Variants in SPAG16 observed in about 807,000 individuals in gnomAD.
SPAG16 encodes sperm associated antigen 16.
A neutral mutation model predicts 80.4 loss-of-function variants in SPAG16; 86 were observed. The ratio of observed to expected loss-of-function variants is 1.07; its 90% CI spans 0.90 to 1.28. The LOEUF is 1.28. Among genes scored for constraint, SPAG16 ranks in the 50% most tolerant of loss-of-function variants. The pLI is 0.00. For missense variants in SPAG16, 870 were observed against 765.3 expected (o/e 1.14, Z -1.61); for synonymous variants, 294 against 265.9 (o/e 1.11, Z -1.03).
intron 12 of SPAG16, among the ~76,000 whole-genome samples, chr2:213,986,652 G>C (rs1476371590): frequency 6.6e-6 from 1 of 151,796 alleles, no homozygotes; most frequent in Non-Finnish European, 1.5e-5. Context: ...AACATATGCT[G>C]TCTGGTAGAA....
intron 10 of SPAG16, among the ~76,000 whole-genome samples, chr2:213,627,284 A>G (rs1262001720): frequency 6.6e-6 from 1 of 152,220 alleles, no homozygotes; most frequent in Non-Finnish European, 1.5e-5. Context: ...GGAGCAAAAG[A>G]GGCAATAAAT....
At chr2:213,902,348 G>T (rs974044158) in intron 11 of SPAG16, among the ~76,000 whole-genome samples, 3 of 152,176 alleles carry the variant, frequency 2.0e-5, no homozygotes, top group Non-Finnish European at 4.4e-5. Context: ...AGACTGGGAA[G>T]AAAAAGAGGT....
intron 1 of SPAG16, 88 bp downstream of exon 1, chr2:213,284,707 T>C (rs2061989742): frequency 6.7e-7 from 1 of 1,485,432 alleles, no homozygotes; most frequent in South Asian, 1.3e-5. Context: ...GCGGCGCCTT[T>C]TGAGCCTTGG....
intron 10 of SPAG16, among the ~76,000 whole-genome samples, chr2:213,833,703 T>C (rs1208120711): frequency 2.2e-5 from 3 of 136,286 alleles, no homozygotes; most frequent in Non-Finnish European, 1.5e-5. Context: ...TGTAAACTGA[T>C]AGACCACGTA....
chr2:213,452,613 T>C (rs1357539496), intron 9 of SPAG16, among the ~76,000 whole-genome samples: 2 of 152,358 alleles, frequency 1.3e-5, no homozygotes, highest in Admixed American at 1.3e-4. Flanking sequence ...TATTTTTATG[T>C]CAGATCTTTT....
intron 7 of SPAG16, among the ~76,000 whole-genome samples, chr2:213,351,623 T>A (rs2065331929): frequency 6.6e-6 from 1 of 152,168 alleles, no homozygotes; most frequent in Non-Finnish European, 1.5e-5. Flanking sequence ...AACATTCTAT[T>A]ATTGTTTTCT....
At chr2:213,709,696 AC>A (rs1314139484) in intron 10 of SPAG16, among the ~76,000 whole-genome samples, 9 of 152,162 alleles carry the variant, frequency 5.9e-5, no homozygotes, top group African/African-American at 7.2e-5. Context: ...TTATAAAAAA[AC>A]ATGGAGAATA....
At chr2:213,491,234 A>G (rs2074221216) in intron 10 of SPAG16, among the ~76,000 whole-genome samples, 3 of 152,202 alleles carry the variant, frequency 2.0e-5, no homozygotes, top group African/African-American at 7.2e-5. Context: ...TTCATATGCT[A>G]GTCTTTTGAT....
chr2:213,960,429 T>A (rs1458848658), intron 12 of SPAG16, among the ~76,000 whole-genome samples: 2 of 152,154 alleles, frequency 1.3e-5, no homozygotes, highest in Non-Finnish European at 2.9e-5. Context: ...TACTTTTCTG[T>A]TTCTTTCTAG....
chr2:213,768,600 C>T (rs555437145), intron 10 of SPAG16, among the ~76,000 whole-genome samples: 1 of 152,056 alleles, frequency 6.6e-6, no homozygotes, highest in Admixed American at 6.6e-5. Context: ...AAAATGATAC[C>T]ATTTGTTCCA....
intron 15 of SPAG16, among the ~76,000 whole-genome samples, chr2:214,293,609 G>T (rs1693945009): frequency 6.6e-6 from 1 of 152,252 alleles, no homozygotes; most frequent in Non-Finnish European, 1.5e-5. Context: ...GACAGCAGTG[G>T]CTGTGTTATG....
rs540949130 is a variant in SPAG16 at position 214,327,113 on chromosome 2, C to A, written c.1721-83027C>A. On this transcript the variant is annotated intron_variant, in intron 15 of 15. Transcript: ENST00000331683. ...TATCTTTCTCTAGAGTAAAATTAAG[C>A]ATTTTTATAAATACCTTTCAGCATC... Among the ~76,000 whole-genome samples, 3 of 152,046 alleles carry A rather than the reference C, an allele frequency of 2.0e-5. No individual in the cohort carries two copies. The South Asian group carries it at 6.2e-4, about 32-fold the overall frequency.
At chr2:213,624,280 C>T (rs571344040) in intron 10 of SPAG16, among the ~76,000 whole-genome samples, 35 of 152,102 alleles carry the variant, frequency 2.3e-4, no homozygotes, top group Non-Finnish European at 4.1e-4. Flanking sequence ...AGCAAAGTAA[C>T]AATACAGCCC....
intron 10 of SPAG16, among the ~76,000 whole-genome samples, chr2:213,643,398 ATATATATATATATT>A (rs1559337981): frequency 6.6e-4 from 29 of 44,262 alleles, no homozygotes; most frequent in South Asian, 2.3e-3. Context: ...ATATATATAT[ATATATATATATATT>A]TTATCTCTTG....
At chr2:213,802,300 C>T (rs922203049) in intron 10 of SPAG16, among the ~76,000 whole-genome samples, 49 of 152,188 alleles carry the variant, frequency 3.2e-4, no homozygotes, top group Middle Eastern at 3.4e-3. Context: ...AGACTCATTG[C>T]CCTTCTTTAC....
chr2:214,232,575 CTG>C (rs1321561672), intron 15 of SPAG16, among the ~76,000 whole-genome samples: 2 of 145,966 alleles, frequency 1.4e-5, no homozygotes, highest in Non-Finnish European at 3.0e-5. Context: ...TCACCTCTGA[CTG>C]TGAAGGAGTC....
chr2:213,598,756 T>C (rs1360671067), intron 10 of SPAG16, among the ~76,000 whole-genome samples: 2 of 152,172 alleles, frequency 1.3e-5, no homozygotes, highest in Admixed American at 6.5e-5. Context: ...GAATAATACA[T>C]GGTGGTTGCA....
chr2:214,308,667 A>C (rs1695088153), intron 15 of SPAG16, among the ~76,000 whole-genome samples: 1 of 151,954 alleles, frequency 6.6e-6, no homozygotes, highest in Non-Finnish European at 1.5e-5. Flanking sequence ...CAGATATAAA[A>C]TTCTGGTTTG....
At chr2:214,090,919 A>G (rs1181302830) in intron 13 of SPAG16, among the ~76,000 whole-genome samples, 6 of 152,064 alleles carry the variant, frequency 3.9e-5, no homozygotes, top group Admixed American at 3.9e-4. Flanking sequence ...ATAAACAAAA[A>G]ATGAGAACAA....
Sources: allele counts gnomAD v4.1 joint callset (sites outside exome capture counted in the v4.1 genomes callset), GRCh38; gene constraint gnomAD v4.1.1; transcripts MANE v1.5; gene names NCBI Gene and HGNC (gene_info 2026-07-23, HGNC 2026-07-21).